MID1: variants seen among roughly 807,000 people sequenced by gnomAD.
The protein encoded by MID1 is midline 1.
MID1 carries 7 observed loss-of-function variants against 40.4 expected under a neutral mutation model. The observed-to-expected ratio is 0.17, with a 90% CI of 0.10 to 0.33. The LOEUF is 0.33. Among genes scored for constraint, MID1 ranks in the 10% least tolerant of loss-of-function variants. MID1 has a pLI of 1.00. For missense variants in MID1, 367 were observed against 558.5 expected (o/e 0.66, Z 3.46); for synonymous variants, 229 against 221.2 (o/e 1.04, Z -0.31).
intron 3 of MID1, among the ~76,000 whole-genome samples, chrX:10,501,827 A>C: frequency 8.9e-6 from 1 of 111,857 alleles, no homozygotes. Flanking sequence ...TATTTTCTCG[A>C]GGGCACTTGG....
intron 1 of MID1, among the ~76,000 whole-genome samples, chrX:10,652,414 C>G (rs1366271637): frequency 9.0e-6 from 1 of 111,358 alleles, no homozygotes; most frequent in Non-Finnish European, 1.9e-5. Flanking sequence ...GTTGACTTCA[C>G]CTTGAAAACA....
At chrX:10,493,105 T>C (rs1356113057) in intron 4 of MID1, among the ~76,000 whole-genome samples, 2 of 111,924 alleles carry the variant, frequency 1.8e-5, no homozygotes, top group Non-Finnish European at 3.8e-5. Context: ...TTTGAATATG[T>C]TACTCACATG....
chrX:10,810,254 G>A (rs1297655127), intron 1 of MID1, among the ~76,000 whole-genome samples: 3 of 111,985 alleles, frequency 2.7e-5, no homozygotes, highest in African/African-American at 9.7e-5. Flanking sequence ...TTTGTAAGTG[G>A]AATCGTACAG....
intron 1 of MID1, among the ~76,000 whole-genome samples, chrX:10,690,820 T>C (rs775947073): frequency 1.8e-5 from 2 of 111,829 alleles, no homozygotes; most frequent in South Asian, 7.5e-4. Flanking sequence ...ATAAGAACCA[T>C]ATACAGAGTT....
chrX:10,613,358 G>A (rs755750843), intron 1 of MID1, among the ~76,000 whole-genome samples: 2 of 110,306 alleles, frequency 1.8e-5, no homozygotes, highest in African/African-American at 6.6e-5. Flanking sequence ...AAAATGCTTT[G>A]TCCGGCACAA....
intron 1 of MID1, among the ~76,000 whole-genome samples, chrX:10,827,817 C>T (rs1479128381): frequency 1.8e-5 from 2 of 110,816 alleles, no homozygotes; most frequent in South Asian, 3.9e-4. Context: ...TATGTCGGCA[C>T]GGTGCAGAAA....
At chrX:10,586,235 G>A (rs1935139572) in intron 1 of MID1, among the ~76,000 whole-genome samples, 1 of 111,909 alleles carries the variant, frequency 8.9e-6, no homozygotes. Flanking sequence ...TCTGAGGAAG[G>A]TCAGTTGAAG....
intron 2 of MID1, among the ~76,000 whole-genome samples, chrX:10,531,474 T>C (rs1333189667): frequency 8.9e-6 from 1 of 112,483 alleles, no homozygotes; most frequent in Non-Finnish European, 1.9e-5. Context: ...AAATACAATC[T>C]GCATATAAAT....
At chrX:10,631,636 A>G (rs1936053327) in intron 1 of MID1, among the ~76,000 whole-genome samples, 1 of 112,404 alleles carries the variant, frequency 8.9e-6, no homozygotes, top group Admixed American at 9.4e-5. Context: ...TCCACTTGTA[A>G]TCATTGCATG....
chrX:10,812,729 T>C (rs773841198), intron 1 of MID1, among the ~76,000 whole-genome samples: 5 of 111,853 alleles, frequency 4.5e-5, no homozygotes, highest in Non-Finnish European at 9.4e-5. Flanking sequence ...CATGAAATAC[T>C]GTCCTTCCGG....
chrX:10,786,471 T>C (rs1246437573), intron 1 of MID1, among the ~76,000 whole-genome samples: 3 of 111,546 alleles, frequency 2.7e-5, no homozygotes, highest in African/African-American at 9.8e-5. Flanking sequence ...TTACTGGGTA[T>C]ATACCCAAAG....
At chrX:10,549,543 T>C (rs184239514) in intron 2 of MID1, among the ~76,000 whole-genome samples, 1 of 113,813 alleles carries the variant, frequency 8.8e-6, no homozygotes, top group East Asian at 2.8e-4. Context: ...ACAGAAACCA[T>C]ATGGCCTGCA....
chrX:10,617,988 T>C (rs1347456252), intron 1 of MID1, among the ~76,000 whole-genome samples: 1 of 112,683 alleles, frequency 8.9e-6, no homozygotes, highest in Non-Finnish European at 1.9e-5. Flanking sequence ...GCTTCAGGAA[T>C]GTTCCTTTTC....
chrX:10,745,738 C>A (rs966060460), intron 1 of MID1, among the ~76,000 whole-genome samples: 5 of 112,267 alleles, frequency 4.5e-5, no homozygotes, highest in Non-Finnish European at 9.4e-5. Context: ...AAGATCACAT[C>A]TTTTGACATG....
chrX:10,702,487 T>C (rs1347232020), intron 1 of MID1, among the ~76,000 whole-genome samples: 1 of 112,645 alleles, frequency 8.9e-6, no homozygotes, highest in East Asian at 2.8e-4. Flanking sequence ...AAAAGTTCCT[T>C]AAAAAATTTA....
rs141906307 is a variant in MID1 at position 10,644,050 on chromosome X, A to C, written c.-186-23631T>G. On this transcript the variant is annotated intron_variant, in intron 1 of 10. Coordinates refer to the MID1 transcript ENST00000380785. The stretch of plus-strand genomic sequence containing the variant: ...GGGATAGCATTAGGAGATATACCTT[A>C]TGTAAATAATGAGTTAATGGGTGCA... 8.1e-3 allele frequency among the ~76,000 whole-genome samples: 898 copies of C among 111,388 alleles called. 10 individuals are homozygous for C. Among genetic ancestry groups the C allele is most frequent in the African/African-American group, 0.028 (861 of 30,592 alleles).
At chrX:10,517,588 T>A (rs1034749001) in intron 3 of MID1, among the ~76,000 whole-genome samples, 1 of 112,668 alleles carries the variant, frequency 8.9e-6, no homozygotes, top group Non-Finnish European at 1.9e-5. Context: ...AAAGTTCAAA[T>A]TCAGATGCAA....
chrX:10,691,678 T>G (rs1301339847), intron 1 of MID1, among the ~76,000 whole-genome samples: 1 of 111,720 alleles, frequency 9.0e-6, no homozygotes. Context: ...ATGAAATCAG[T>G]GCACCCTGAA....
chrX:10,665,553 A>G (rs2042944625), intron 1 of MID1, among the ~76,000 whole-genome samples: 1 of 103,596 alleles, frequency 9.7e-6, no homozygotes, highest in Admixed American at 1.0e-4. Context: ...TTTGAGACAG[A>G]TTCTTGCTTT....
Sources: allele counts gnomAD v4.1 joint callset (sites outside exome capture counted in the v4.1 genomes callset), GRCh38; gene constraint gnomAD v4.1.1; transcripts MANE v1.5; gene names NCBI Gene and HGNC (gene_info 2026-07-23, HGNC 2026-07-21).